PCDHGA2: variants seen among roughly 807,000 people sequenced by gnomAD.
The protein encoded by PCDHGA2 is protocadherin gamma subfamily A, 2.
A neutral mutation model predicts 59.2 loss-of-function variants in PCDHGA2; 40 were observed. The observed-to-expected ratio is 0.68, with a 90% CI of 0.52 to 0.88. The LOEUF (loss-of-function observed/expected upper bound fraction) is 0.88, where lower values mean the gene tolerates loss of function less well. Ranked by LOEUF, PCDHGA2 falls within the 40% of genes least tolerant of loss-of-function variation. The pLI is 0.00. For missense variants in PCDHGA2, 1,226 were observed against 1,204.0 expected (o/e 1.02, Z -0.27); for synonymous variants, 560 against 526.0 (o/e 1.06, Z -0.89).
At chr5:141,506,226 G>A (rs1248069119) in intron 3 of PCDHGA2, among the ~76,000 whole-genome samples, 3 of 152,152 alleles carry the variant, frequency 2.0e-5, no homozygotes, top group Non-Finnish European at 1.5e-5. Flanking sequence ...TGAGGCAGGA[G>A]GATCATGAGG....
chr5:141,495,465 G>A (rs563411010), intron 2 of PCDHGA2, among the ~76,000 whole-genome samples: 3 of 152,182 alleles, frequency 2.0e-5, no homozygotes, highest in Non-Finnish European at 2.9e-5. Context: ...TGTCTGTGGG[G>A]TCTCCGTGTC....
chr5:141,339,455 G>T lies in PCDHGA2; in HGVS notation c.484G>T (p.Val162Leu). Residue 162 changes from valine (V) to leucine (L), a missense_variant, in exon 1 of 4, where the codon GTA becomes TTA. Physicochemically the swap from Val to Leu is conservative, Grantham distance 32 (BLOSUM62 1). Coordinates refer to ENST00000394576, the MANE Select transcript of PCDHGA2 (RefSeq NM_018915.4). ...IPLKNAHDAD[V>L]GENALQKYAL... Reference sequence around the variant, plus strand: ...TCTTAAGAATGCGCATGATGCAGACGTAGGTGAGAACGCCCTTCAGAAGTA... The same window carrying T: ...TCTTAAGAATGCGCATGATGCAGACTTAGGTGAGAACGCCCTTCAGAAGTA... 1 of 1,614,190 alleles carries T rather than the reference G, an allele frequency of 6.2e-7. No individual in the cohort carries two copies. Among genetic ancestry groups the T allele is most frequent in the Non-Finnish European group, 8.5e-7 (1 of 1,180,048 alleles).
chr5:141,435,929 G>A (rs926025053), intron 1 of PCDHGA2, among the ~76,000 whole-genome samples: 10 of 152,134 alleles, frequency 6.6e-5, no homozygotes, highest in African/African-American at 2.4e-4. Flanking sequence ...TGCGGCAGTT[G>A]CTGCTTCTGA....
chr5:141,443,166 C>T (rs914863821), intron 1 of PCDHGA2, among the ~76,000 whole-genome samples: 2 of 152,124 alleles, frequency 1.3e-5, no homozygotes, highest in African/African-American at 4.8e-5. Context: ...ATTTCCCTAC[C>T]CATGTCCACT....
chr5:141,419,258 C>A, intron 1 of PCDHGA2: 3 of 1,614,028 alleles, frequency 1.9e-6, no homozygotes, highest in Non-Finnish European at 2.5e-6. Flanking sequence ...AAACAACCAG[C>A]CGGGTGCCTC....
chr5:141,355,951 G>A (rs1178682642), intron 1 of PCDHGA2: 2 of 1,613,798 alleles, frequency 1.2e-6, no homozygotes, highest in African/African-American at 1.3e-5. Flanking sequence ...CCACGTAAGT[G>A]TTCGTGAGAA....
Position 141,408,609 on chromosome 5 carries a change from A to T in PCDHGA2, c.2424+67214A>T, listed in dbSNP as rs765291231. 3 of 1,613,970 alleles carry T rather than the reference A, an allele frequency of 1.9e-6. No homozygotes were observed. The highest frequency in any genetic ancestry group is 2.5e-6 in the Non-Finnish European group (3 of 1,179,916). On this transcript the variant is annotated intron_variant, in intron 1 of 3. Coordinates refer to ENST00000394576, the MANE Select transcript of PCDHGA2 (RefSeq NM_018915.4). ...GACCACGCCCCTCAATTTGATAAAA[A>T]GGAAATACATTTAGAAATTTTCGAA...
chr5:141,371,949 G>A lies in PCDHGA2; in HGVS notation c.2424+30554G>A, dbSNP rs376332279. ...GAGCGGGGTGGTGTTCGCGCAGCGA[G>A]CCTTCGACCACGAGCAGCTGCGTGC... is the stretch of plus-strand genomic sequence containing the variant. On this transcript the variant is annotated intron_variant, in intron 1 of 3. Coordinates refer to ENST00000394576, the MANE Select transcript of PCDHGA2 (RefSeq NM_018915.4). 4.6e-5 allele frequency: 74 copies of A among 1,613,184 alleles called. No homozygotes were observed. The African/African-American group carries it at 9.1e-4, about 20-fold the overall frequency.
Position 141,388,684 on chromosome 5 carries a change from C to T in PCDHGA2, c.2424+47289C>T, listed in dbSNP as rs1458700152. 1.2e-5 allele frequency: 19 copies of T among 1,613,818 alleles called. No homozygotes were observed. Among genetic ancestry groups the T allele is most frequent in the African/African-American group, 2.7e-5 (2 of 74,912 alleles). On this transcript the variant is annotated intron_variant, in intron 1 of 3. Coordinates refer to ENST00000394576, the MANE Select transcript of PCDHGA2 (RefSeq NM_018915.4). ...ACCACGGTGCTACAGGTGACTGCCA[C>T]GGACCAGGATGAGGGTGTCAATGCC...
chr5:141,474,022 A>G (rs929139769), intron 1 of PCDHGA2, among the ~76,000 whole-genome samples: 1 of 152,160 alleles, frequency 6.6e-6, no homozygotes, highest in African/African-American at 2.4e-5. Flanking sequence ...GTGAGCTATG[A>G]TTATTCCACT....
intron 1 of PCDHGA2, chr5:141,413,400 G>C: frequency 6.2e-7 from 1 of 1,614,060 alleles, no homozygotes; most frequent in Non-Finnish European, 8.5e-7. Context: ...CCAGAGGTAG[G>C]ACGCAGCTTT....
intron 1 of PCDHGA2, chr5:141,440,968 T>A (rs1487107428): frequency 6.6e-6 from 1 of 152,198 alleles, no homozygotes; most frequent in African/African-American, 2.4e-5. Flanking sequence ...AGATCACATA[T>A]GGCTTCACAA....
intron 1 of PCDHGA2, among the ~76,000 whole-genome samples, chr5:141,369,397 TG>T (rs1766213103): frequency 6.6e-6 from 1 of 152,082 alleles, no homozygotes; most frequent in Non-Finnish European, 1.5e-5. Flanking sequence ...TGGGCCAGGG[TG>T]GTTCATGACT....
chr5:141,479,021 T>C (rs72790064), intron 1 of PCDHGA2, among the ~76,000 whole-genome samples: 1,892 of 152,352 alleles, frequency 0.012, 20 homozygotes, highest in Non-Finnish European at 0.018. Context: ...TAATTTTCCT[T>C]TGTTTATACA....
At chr5:141,384,052 A>G in intron 1 of PCDHGA2, 1 of 1,611,012 alleles carries the variant, frequency 6.2e-7, no homozygotes, top group Non-Finnish European at 8.5e-7. Context: ...GGTGACCTGC[A>G]CCATTCCAGA....
At chr5:141,503,555 C>T (rs1010409481) in intron 2 of PCDHGA2, among the ~76,000 whole-genome samples, 2 of 148,816 alleles carry the variant, frequency 1.3e-5, no homozygotes, top group African/African-American at 5.0e-5. Context: ...GCCGAGATCG[C>T]GCCACTGTAC....
intron 1 of PCDHGA2, among the ~76,000 whole-genome samples, chr5:141,460,992 T>C (rs2099006034): frequency 6.6e-6 from 1 of 151,316 alleles, no homozygotes; most frequent in South Asian, 2.1e-4. Context: ...TGTATATATA[T>C]ATATGTGTAT....
chr5:141,371,708 C>A (rs1767965097), intron 1 of PCDHGA2: 1 of 1,614,064 alleles, frequency 6.2e-7, no homozygotes, highest in East Asian at 2.2e-5. Flanking sequence ...GCAAGACCAT[C>A]ACTCTGCACA....
At position 141,352,032 on chromosome 5, in the gene PCDHGA2, A is replaced by G. The variant is rs558236918; in HGVS notation, c.2424+10637A>G. On this transcript the variant is annotated intron_variant, in intron 1 of 3. Coordinates refer to ENST00000394576, the MANE Select transcript of PCDHGA2 (RefSeq NM_018915.4). ...CTGGTGACCAAGGTGGTGGCGGTGG[A>G]CGCAGACTCAGGACACAACGCTTGG... is the stretch of plus-strand genomic sequence containing the variant. 7.5e-5 allele frequency: 120 copies of G among 1,608,932 alleles called. No individual in the cohort carries two copies. The East Asian group carries it at 2.6e-3, about 35-fold the overall frequency.
Sources: allele counts gnomAD v4.1 joint callset (sites outside exome capture counted in the v4.1 genomes callset), GRCh38; gene constraint gnomAD v4.1.1; transcripts MANE v1.5; gene names NCBI Gene and HGNC (gene_info 2026-07-23, HGNC 2026-07-21).